Variants in CIMAP2 observed in about 807,000 individuals in gnomAD.
The protein encoded by CIMAP2 is ciliary microtubule associated protein 2, also known as ciliary microtubule-associated protein 2.
chr1:54,815,503 T>G, the CIMAP2 span, among the ~76,000 whole-genome samples: 2 of 152,176 alleles, frequency 1.3e-5, no homozygotes, highest in Admixed American at 1.3e-4. Flanking sequence ...GTGAAGCTGG[T>G]GCATTTCCCG....
At chr1:54,829,773 C>CGGAA in the CIMAP2 span, among the ~76,000 whole-genome samples, 1 of 152,050 alleles carries the variant, frequency 6.6e-6, no homozygotes, top group African/African-American at 2.4e-5. Context: ...GCAGTGCTTT[C>CGGAA]TCATCTTTCG....
At chr1:54,810,370 T>A in the CIMAP2 span, among the ~76,000 whole-genome samples, 16 of 152,256 alleles carry the variant, frequency 1.1e-4, no homozygotes, top group East Asian at 2.3e-3. Context: ...TGACTTGGTC[T>A]CCCCCAGTCA....
the CIMAP2 span, among the ~76,000 whole-genome samples, chr1:54,819,930 ATTTCT>A: frequency 2.0e-5 from 1 of 50,458 alleles, no homozygotes; most frequent in African/African-American, 1.2e-4. Flanking sequence ...TCCCCCCCAT[ATTTCT>A]TTTCTTTCTG....
the CIMAP2 span, chr1:54,807,596 T>A: frequency 2.5e-6 from 4 of 1,607,796 alleles, no homozygotes; most frequent in Non-Finnish European, 2.5e-6. Flanking sequence ...ATGAAGGAGG[T>A]GGACACAGGC....
the CIMAP2 span, chr1:54,813,692 A>C: frequency 1.8e-6 from 2 of 1,116,456 alleles, no homozygotes; most frequent in Non-Finnish European, 2.5e-6. Context: ...GGCCTCCGGG[A>C]TGTCTGCACA....
At chr1:54,806,133 A>G in the CIMAP2 span, 95 of 1,544,108 alleles carry the variant, frequency 6.2e-5, no homozygotes, top group Non-Finnish European at 7.8e-5. Context: ...GAAAGCCAGG[A>G]TGCCGCCGGA....
At chr1:54,821,614 A>G in the CIMAP2 span, among the ~76,000 whole-genome samples, 1 of 151,748 alleles carries the variant, frequency 6.6e-6, no homozygotes, top group East Asian at 1.9e-4. Flanking sequence ...GAGGTCTTTC[A>G]CCTCCTTGGT....
the CIMAP2 span, chr1:54,806,235 C>G: frequency 6.6e-7 from 1 of 1,511,234 alleles, no homozygotes; most frequent in Non-Finnish European, 8.8e-7. Context: ...GGCCCGTTTG[C>G]GTCCTGGGCT....
the CIMAP2 span, chr1:54,815,149 T>G: frequency 2.7e-6 from 4 of 1,459,608 alleles, no homozygotes; most frequent in African/African-American, 4.2e-5. Context: ...GCCATATGCC[T>G]CCCCTTTCTT....
At chr1:54,825,742 CT>C in the CIMAP2 span, among the ~76,000 whole-genome samples, 14 of 152,074 alleles carry the variant, frequency 9.2e-5, no homozygotes, top group Admixed American at 3.9e-4. Flanking sequence ...CCTTGGGCCC[CT>C]GGGTGATATG....
At chr1:54,818,903 CT>C in the CIMAP2 span, among the ~76,000 whole-genome samples, 1 of 152,152 alleles carries the variant, frequency 6.6e-6, no homozygotes, top group Non-Finnish European at 1.5e-5. Context: ...GCAGTATGTT[CT>C]TTTATCTAAA....
At chr1:54,839,369 A>AATTT in the CIMAP2 span, among the ~76,000 whole-genome samples, 15 of 135,096 alleles carry the variant, frequency 1.1e-4, no homozygotes, top group Non-Finnish European at 1.4e-4. Context: ...TTTAAAGTTG[A>AATTT]ATTTATTTAT....
At chr1:54,807,817 G>A in the CIMAP2 span, 27 of 1,516,982 alleles carry the variant, frequency 1.8e-5, no homozygotes, top group East Asian at 1.2e-4. Flanking sequence ...GAACACCATC[G>A]TGCCTTGGGC....
chr1:54,837,566 CTCT>C, the CIMAP2 span, among the ~76,000 whole-genome samples: 4 of 152,124 alleles, frequency 2.6e-5, no homozygotes, highest in Admixed American at 2.6e-4. Context: ...GGTGAGGCGC[CTCT>C]TCTTCATGGT....
At chr1:54,811,996 G>A in the CIMAP2 span, 2 of 1,614,112 alleles carry the variant, frequency 1.2e-6, no homozygotes, top group East Asian at 4.5e-5. Flanking sequence ...CCAGGGCAGA[G>A]GGGGAAGCTG....
chr1:54,812,491 C>T, the CIMAP2 span, among the ~76,000 whole-genome samples: 1 of 152,236 alleles, frequency 6.6e-6, no homozygotes, highest in African/African-American at 2.4e-5. Context: ...GAAGATGGCC[C>T]ACAGTGCCAG....
chr1:54,817,168 G>T, the CIMAP2 span: 1 of 1,608,458 alleles, frequency 6.2e-7, no homozygotes, highest in South Asian at 1.1e-5. Flanking sequence ...GGCGGTGGGG[G>T]GTCTTACTCT....
At chr1:54,806,953 G>A in the CIMAP2 span, 1 of 1,565,608 alleles carries the variant, frequency 6.4e-7, no homozygotes, top group Admixed American at 1.7e-5. Context: ...CCAGGGCCAG[G>A]TGCCAGGCAC....
the CIMAP2 span, among the ~76,000 whole-genome samples, chr1:54,832,801 G>A: frequency 6.6e-6 from 1 of 152,188 alleles, no homozygotes; most frequent in Non-Finnish European, 1.5e-5. Flanking sequence ...GCCGAGGCAG[G>A]AGGATCACTT....
Sources: gnomAD v4.1 joint callset for allele counts (sites outside exome capture counted in the v4.1 genomes callset) on GRCh38, gnomAD v4.1.1 for gene constraint, MANE v1.5 for transcripts, NCBI Gene and HGNC (gene_info 2026-07-23, HGNC 2026-07-21) for gene names.